The following NOX3 variants were observed in gnomAD, a reference collection of about 807,000 sequenced individuals.
NOX3 encodes NADPH oxidase catalytic subunit-like 3.
Under a neutral mutation model 76.7 loss-of-function variants are expected in NOX3, and 74 were observed. The observed-to-expected ratio is 0.96, with a 90% confidence interval of 0.80 to 1.17. NOX3 has a LOEUF of 1.17. Among genes scored for constraint, NOX3 ranks in the 50% most tolerant of loss-of-function variants. The pLI, the probability that NOX3 is intolerant of heterozygous loss-of-function variation, is 0.00. For missense variants in NOX3, 695 were observed against 703.3 expected, an observed-to-expected ratio of 0.99 and a Z score of 0.13; for synonymous variants, 263 against 261.1, an observed-to-expected ratio of 1.01 and a Z score of -0.07.
rs231961 is a variant in NOX3, at chr6:155,436,647, T to A, written c.669-100A>T. On this transcript the variant is annotated intron_variant, in intron 6 of 13. Transcript: ENST00000159060. ...CACAGGTATATATCCTACAGTGAGC[T>A]CTGAAATATCACTTCCAGTTCTTGA... 0.22 allele frequency: 258,846 copies of A among 1,168,818 alleles called. 31,152 individuals are homozygous for A. Among genetic ancestry groups the A allele is most frequent in the Non-Finnish European group, 0.24 (197,493 of 835,822 alleles). The allele number at this position is 1,168,818 out of a possible 1,614,324, so 72.4% of individuals were successfully genotyped here.
At chr6:155,438,198 C>T (rs1776936093) in intron 6 of NOX3, among the ~76,000 whole-genome samples, 1 of 152,030 alleles carries the variant, frequency 6.6e-6, no homozygotes, top group South Asian at 2.1e-4. Context: ...GGTTAACAAC[C>T]CCGGCGTCGG....
intron 13 of NOX3, among the ~76,000 whole-genome samples, chr6:155,396,608 G>A (rs569412282): frequency 6.6e-6 from 1 of 152,188 alleles, no homozygotes; most frequent in Non-Finnish European, 1.5e-5. Flanking sequence ...TGACTTCAGC[G>A]TCCATCAGTA....
chr6:155,443,891 TTCA>T (rs1299383257), intron 4 of NOX3, among the ~76,000 whole-genome samples: 1 of 151,686 alleles, frequency 6.6e-6, no homozygotes, highest in Non-Finnish European at 1.5e-5. Context: ...TAAATCTCAG[TTCA>T]TCATAATTTA....
chr6:155,443,303 GCT>G lies in NOX3; in HGVS notation c.454_455del (p.Ser152LeufsTer15). The G allele has an allele frequency of 6.2e-7, 1 of 1,614,092 alleles. No homozygotes were observed. Reference protein sequence around the residue: ...LSKLGNTPNESYLNPVRTFPT... With the variant: ...LSKLGNTPNEXYLNPVRTFPT... ...GGAAGGTCCGGACAGGGTTGAGGTAGCTCTCGTTAGGGGTGTTGCCCAGCTTG... is the reference window on the plus strand; with the variant it reads ...GGAAGGTCCGGACAGGGTTGAGGTAGCTCGTTAGGGGTGTTGCCCAGCTTG... On this transcript the variant is annotated frameshift_variant, in exon 5 of 14. Transcript: ENST00000159060. LOFTEE classifies it high-confidence loss of function.
chr6:155,439,882 C>T (rs1045936243), intron 6 of NOX3, 74 bp downstream of exon 6: 6 of 1,418,304 alleles, frequency 4.2e-6, no homozygotes, highest in Non-Finnish European at 5.7e-6. Context: ...GCTCCTTCAT[C>T]TAAAGGACTT....
At chr6:155,435,240 C>A (rs919945977) in intron 7 of NOX3, among the ~76,000 whole-genome samples, 1 of 152,144 alleles carries the variant, frequency 6.6e-6, no homozygotes, top group African/African-American at 2.4e-5. Flanking sequence ...CCGGCAAACG[C>A]TGCTGGGAGC....
At chr6:155,396,996 C>T in intron 12 of NOX3, 34 bp from the exon 13 acceptor site, 2 of 1,579,176 alleles carry the variant, frequency 1.3e-6, no homozygotes, top group East Asian at 4.5e-5. Context: ...AATAAAATGT[C>T]ACCAGGAGGC....
At chr6:155,443,871 A>G (rs1037716411) in intron 4 of NOX3, among the ~76,000 whole-genome samples, 5 of 149,706 alleles carry the variant, frequency 3.3e-5, no homozygotes, top group Admixed American at 2.7e-4. Context: ...AGTTATATTA[A>G]TAAATAAAGT....
intron 12 of NOX3, among the ~76,000 whole-genome samples, chr6:155,402,178 GAAA>G (rs1465468758): frequency 2.0e-5 from 3 of 152,068 alleles, no homozygotes; most frequent in Admixed American, 6.6e-5. Context: ...TTCCATTTTT[GAAA>G]AAGATACCTT....
At chr6:155,408,072 G>A (rs545049263) in intron 11 of NOX3, among the ~76,000 whole-genome samples, 1 of 152,240 alleles carries the variant, frequency 6.6e-6, no homozygotes, top group East Asian at 1.9e-4. Context: ...TCCACCTCCT[G>A]AGTTCAAGCG....
intron 12 of NOX3, among the ~76,000 whole-genome samples, chr6:155,399,753 G>A (rs1186021624): frequency 1.3e-5 from 2 of 151,446 alleles, no homozygotes; most frequent in Admixed American, 6.6e-5. Flanking sequence ...CTTTTATGAG[G>A]CAACGGACAA....
chr6:155,442,566 A>G (rs929891056), intron 5 of NOX3, among the ~76,000 whole-genome samples: 3 of 152,358 alleles, frequency 2.0e-5, no homozygotes, highest in East Asian at 1.9e-4. Flanking sequence ...ATATGCCAAT[A>G]TGGTGGTATG....
intron 8 of NOX3, among the ~76,000 whole-genome samples, chr6:155,430,049 T>C (rs1776811844): frequency 6.6e-6 from 1 of 152,170 alleles, no homozygotes; most frequent in Non-Finnish European, 1.5e-5. Flanking sequence ...GCAATTTCTA[T>C]ACATCTGCTT....
At chr6:155,413,346 G>A (rs1019052169) in intron 10 of NOX3, among the ~76,000 whole-genome samples, 1 of 152,036 alleles carries the variant, frequency 6.6e-6, no homozygotes, top group Non-Finnish European at 1.5e-5. Context: ...GGAGATGGGC[G>A]AGGGGAGGGC....
intron 9 of NOX3, among the ~76,000 whole-genome samples, chr6:155,425,573 T>C (rs1444122814): frequency 6.6e-6 from 1 of 152,198 alleles, no homozygotes; most frequent in African/African-American, 2.4e-5. Context: ...TCTTATGTTG[T>C]TAATAATAAT....
chr6:155,411,193 T>C (rs1481925886), intron 11 of NOX3, 21 bp downstream of exon 11: 12 of 1,609,004 alleles, frequency 7.5e-6, no homozygotes, highest in Non-Finnish European at 9.3e-6. Context: ...ATATTGCTTA[T>C]TCTCAGAGTC....
At chr6:155,400,628 T>C (rs1779210041) in intron 12 of NOX3, among the ~76,000 whole-genome samples, 1 of 142,114 alleles carries the variant, frequency 7.0e-6, no homozygotes, top group African/African-American at 2.6e-5. Context: ...CAGATGATAA[T>C]TGTGCTGGCC....
rs1776711940 is a variant in NOX3 at position 155,423,081 on chromosome 6, A to G, written c.1146-225T>C. 2.0e-5 allele frequency among the ~76,000 whole-genome samples: 3 copies of G among 152,288 alleles called. No individual in the cohort carries two copies. The South Asian group carries it at 6.2e-4, about 32-fold the overall frequency. On this transcript the variant is annotated intron_variant, in intron 9 of 13. Coordinates refer to ENST00000159060, the MANE Select transcript of NOX3 (RefSeq NM_015718.3). ...GGTTGTCCTGGCCCAGGCACTGTTC[A>G]TGGAAGGACAAAGCCTGACATCTCT...
rs146035832 is a variant in NOX3 at position 155,428,678 on chromosome 6, A to G, written c.1145+116T>C. On this transcript the variant is annotated intron_variant, in intron 9 of 13. Coordinates refer to ENST00000159060, the MANE Select transcript of NOX3 (RefSeq NM_015718.3). ...TACACACATTCTCAAATTTAGACAC[A>G]GTCTCAAACTCACCATTTAATAAAG... 4.6e-5 allele frequency: 44 copies of G among 950,944 alleles called. No individual in the cohort carries two copies. The African/African-American group carries it at 6.1e-4, about 13-fold the overall frequency. 58.9% of individuals were successfully genotyped at this position (950,944 alleles called of 1,614,324 possible).
Sources: allele counts gnomAD v4.1 joint callset (sites outside exome capture counted in the v4.1 genomes callset), GRCh38; gene constraint gnomAD v4.1.1; transcripts MANE v1.5; gene names NCBI Gene and HGNC (gene_info 2026-07-23, HGNC 2026-07-21).